The following HERC6 variants were observed in gnomAD, a reference collection of about 807,000 sequenced individuals.
The protein encoded by HERC6 is probable E3 ubiquitin-protein ligase HERC6.
HERC6 carries 101 observed loss-of-function variants against 114.5 expected under a neutral mutation model. That is an observed-to-expected ratio of 0.88 (90% CI 0.75 to 1.04). HERC6 has a LOEUF of 1.04. Among genes scored for constraint, HERC6 ranks in the 50% least tolerant of loss-of-function variants. The pLI is 0.00. For synonymous variants in HERC6, 408 were observed against 436.2 expected (o/e 0.94, Z 0.81); for missense variants, 1,133 against 1,230.9 (o/e 0.92, Z 1.19).
chr4:88,418,243 TG>T (rs1736686059), intron 13 of HERC6, among the ~76,000 whole-genome samples: 1 of 152,150 alleles, frequency 6.6e-6, no homozygotes, highest in Non-Finnish European at 1.5e-5. Context: ...AGTGAGTATG[TG>T]TGTAAAAACT....
intron 13 of HERC6, among the ~76,000 whole-genome samples, chr4:88,417,938 C>T (rs923785340): frequency 7.5e-5 from 10 of 133,086 alleles, no homozygotes; most frequent in African/African-American, 3.3e-4. Context: ...AGAGCAAAAC[C>T]ACATTTCTTA....
chr4:88,422,365 A>G (rs1737153705), intron 13 of HERC6, among the ~76,000 whole-genome samples: 1 of 152,138 alleles, frequency 6.6e-6, no homozygotes, highest in African/African-American at 2.4e-5. Context: ...CCTTATTCTG[A>G]TCTCAAAGGG....
intron 3 of HERC6, 107 bp from the exon 4 acceptor site, chr4:88,390,545 A>G (rs1734854028): frequency 2.0e-6 from 2 of 983,724 alleles, no homozygotes; most frequent in Admixed American, 2.9e-5. Flanking sequence ...TTATTTGTCA[A>G]TTATCCCTCA....
intron 16 of HERC6, among the ~76,000 whole-genome samples, chr4:88,430,908 T>C (rs1441566646): frequency 6.6e-6 from 1 of 152,178 alleles, no homozygotes. Flanking sequence ...GAATGCTAAG[T>C]CTTGCTAGAG....
At chr4:88,438,875 T>C (rs1739034227) in intron 20 of HERC6, among the ~76,000 whole-genome samples, 1 of 151,996 alleles carries the variant, frequency 6.6e-6, no homozygotes, top group African/African-American at 2.4e-5. Context: ...CAGACAAGAG[T>C]TGATTTAGAT....
chr4:88,394,886 A>T (rs1012868784), intron 5 of HERC6, among the ~76,000 whole-genome samples: 3 of 152,170 alleles, frequency 2.0e-5, no homozygotes, highest in Admixed American at 6.6e-5. Context: ...CTACAGATAA[A>T]AATTATTATA....
Position 88,396,959 on chromosome 4 carries a change from T to C in HERC6, c.996T>C (p.Phe332=). Residue 332 remains phenylalanine (F), a synonymous_variant, in exon 7 of 23, where the codon TTT becomes TTC. Coordinates refer to ENST00000264346, the MANE Select transcript of HERC6 (RefSeq NM_017912.4). ...PTHPEALTEN[F]DISCLISAED... is the part of the protein sequence containing the mutation. Reference sequence around the variant, plus strand: ...ATCCGGAGGCCCTGACAGAGAACTTTGACATTAGCTGCCTGATTTCTGCTG... The same window carrying C: ...ATCCGGAGGCCCTGACAGAGAACTTCGACATTAGCTGCCTGATTTCTGCTG... 4.3e-6 allele frequency: 7 copies of C among 1,612,544 alleles called. No homozygotes were observed. The highest frequency in any genetic ancestry group is 5.9e-6 in the Non-Finnish European group (7 of 1,179,100).
At chr4:88,437,356 C>T (rs1432991802) in intron 19 of HERC6, among the ~76,000 whole-genome samples, 1 of 151,738 alleles carries the variant, frequency 6.6e-6, no homozygotes, top group Non-Finnish European at 1.5e-5. Flanking sequence ...TGTGCCTGGC[C>T]CCTGGGATCC....
At position 88,442,616 on chromosome 4, in the gene HERC6, A is replaced by G. The variant is rs1739451463; in HGVS notation, c.*156A>G. 1 of 654,298 alleles carries G rather than the reference A, an allele frequency of 1.5e-6. No homozygotes were observed. The highest frequency in any genetic ancestry group is 1.8e-5 in the African/African-American group (1 of 54,846). The allele number at this position is 654,298 out of a possible 1,614,324, so 40.5% of individuals were successfully genotyped here. ...GATGATGATGATGGTCAAAGGGTGC[A>G]AAATCTCACACAAGACTGAGGCAGG... On this transcript the variant is annotated 3_prime_UTR_variant, in exon 23 of 23. Coordinates refer to ENST00000264346, the MANE Select transcript of HERC6 (RefSeq NM_017912.4).
chr4:88,417,025 A>G (rs1036649301), intron 12 of HERC6, among the ~76,000 whole-genome samples: 1 of 151,992 alleles, frequency 6.6e-6, no homozygotes, highest in African/African-American at 2.4e-5. Context: ...CATATATAAT[A>G]TTTTTTCATT....
At chr4:88,428,507 G>C in intron 15 of HERC6, 73 bp from the exon 16 acceptor site, 1 of 1,112,778 alleles carries the variant, frequency 9.0e-7, no homozygotes, top group Non-Finnish European at 1.3e-6. Flanking sequence ...AATGTTTATT[G>C]GAAGTATTAA....
chr4:88,408,526 G>A lies in HERC6; in HGVS notation c.1277G>A (p.Gly426Glu), dbSNP rs370207650. 29 of 1,587,282 alleles carry A rather than the reference G, an allele frequency of 1.8e-5. No homozygotes were observed. The highest frequency in any genetic ancestry group is 1.9e-5 in the Non-Finnish European group (22 of 1,162,890). Residue 426 changes from glycine to glutamate, a missense_variant and splice_region_variant, in exon 11 of 23, where the codon GGA becomes GAA. Physicochemically the swap from Gly to Glu is moderately conservative, Grantham distance 98. Around this residue, in one of 3 missense-constraint regions of HERC6, gnomAD observed 735 missense variants for 754.0 expected, o/e 0.97. Coordinates refer to ENST00000264346, the MANE Select transcript of HERC6 (RefSeq NM_017912.4). Reference sequence around the variant, plus strand: ...TCTTGCATTTCTTGTATCCAAAGAGGAACTGGAGAAACGACTTCCATTGAT... The same window carrying A: ...TCTTGCATTTCTTGTATCCAAAGAGAAACTGGAGAAACGACTTCCATTGAT... ...CLTASFLKKRGTGETTSIDVD... is the reference protein window; with the variant it reads ...CLTASFLKKRETGETTSIDVD...
intron 5 of HERC6, among the ~76,000 whole-genome samples, chr4:88,394,818 T>C (rs1317343994): frequency 1.3e-5 from 2 of 152,152 alleles, no homozygotes; most frequent in Non-Finnish European, 2.9e-5. Flanking sequence ...GTGTTGAGAT[T>C]ACAGGCATGA....
intron 13 of HERC6, among the ~76,000 whole-genome samples, chr4:88,423,036 C>T (rs1451494926): frequency 1.3e-5 from 2 of 150,552 alleles, no homozygotes; most frequent in African/African-American, 4.9e-5. Context: ...TAGTTTTGCC[C>T]CATTTTTCAT....
At chr4:88,412,913 G>A (rs1235680729) in intron 11 of HERC6, among the ~76,000 whole-genome samples, 164 bp from the exon 12 acceptor site, 1 of 152,212 alleles carries the variant, frequency 6.6e-6, no homozygotes, top group African/African-American at 2.4e-5. Context: ...GGGTATTTGG[G>A]ATGGAAGGAG....
chr4:88,441,850 C>T (rs911181412), intron 22 of HERC6, among the ~76,000 whole-genome samples: 2 of 152,190 alleles, frequency 1.3e-5, no homozygotes, highest in East Asian at 3.9e-4. Context: ...GAGCTTTGTC[C>T]CCTGCCTTGA....
At chr4:88,381,406 G>A (rs1414805976) in intron 1 of HERC6, among the ~76,000 whole-genome samples, 1 of 152,060 alleles carries the variant, frequency 6.6e-6, no homozygotes, top group Non-Finnish European at 1.5e-5. Context: ...AAAGAAAAGG[G>A]GGTTTGGACT....
intron 13 of HERC6, among the ~76,000 whole-genome samples, chr4:88,423,058 GT>G (rs991368103): frequency 3.2e-4 from 44 of 135,562 alleles, no homozygotes; most frequent in South Asian, 4.6e-4. Context: ...CTTGATACTG[GT>G]TTTTTTTTTT....
In HERC6 at chr4:88,405,618, T is replaced by A; in HGVS notation, c.1274+5T>A. On this transcript the variant is annotated splice_donor_5th_base_variant and intron_variant, in intron 10 of 22. Transcript: ENST00000264346. ...TGCAAGTTTTTTAAAGAAAAGGTAA[T>A]ACTTACATAAGATTTACCTTCATTT... 2 of 1,437,722 alleles carry A rather than the reference T, an allele frequency of 1.4e-6. No individual in the cohort carries two copies. The highest frequency in any genetic ancestry group is 1.9e-6 in the Non-Finnish European group (2 of 1,044,466). The allele number at this position is 1,437,722 out of a possible 1,614,324, so 89.1% of individuals were successfully genotyped here. A position where few individuals can be genotyped will look rare whatever the true frequency, so the allele number is the denominator to read the frequency against.
Sources: gnomAD v4.1 joint callset for allele counts (sites outside exome capture counted in the v4.1 genomes callset) on GRCh38, gnomAD v4.1.1 for gene constraint, gnomAD v4.1.1 regional missense constraint, MANE v1.5 for transcripts, NCBI Gene and HGNC (gene_info 2026-07-23, HGNC 2026-07-21) for gene names.